The following GINS1 variants were observed in gnomAD, a reference collection of about 807,000 sequenced individuals.
GINS1 encodes GINS complex subunit 1, also known as DNA replication complex GINS protein PSF1.
GINS1 carries 26 observed loss-of-function variants against 34.9 expected under a neutral mutation model. That is an observed-to-expected ratio of 0.74 (90% confidence interval 0.55 to 1.03). The LOEUF (loss-of-function observed/expected upper bound fraction) is 1.03, where lower values mean the gene tolerates loss of function less well. Ranked by LOEUF, GINS1 falls within the 50% of genes least tolerant of loss-of-function variation. The pLI, the probability that GINS1 is intolerant of heterozygous loss-of-function variation, is 0.00. For missense variants in GINS1, 235 were observed against 237.9 expected, an observed-to-expected ratio of 0.99 and a Z score of 0.08; for synonymous variants, 97 against 84.4, an observed-to-expected ratio of 1.15 and a Z score of -0.82.
intron 5 of GINS1, among the ~76,000 whole-genome samples, chr20:25,436,892 C>A (rs938331427): frequency 6.6e-6 from 1 of 152,256 alleles, no homozygotes; most frequent in Non-Finnish European, 1.5e-5. Flanking sequence ...TTGCTGAAAA[C>A]CAGACATTTC....
At chr20:25,408,421 G>C (rs1056733022) in intron 1 of GINS1, among the ~76,000 whole-genome samples, 1 of 152,180 alleles carries the variant, frequency 6.6e-6, no homozygotes, top group African/African-American at 2.4e-5. Context: ...TACAGTAAGG[G>C]CTGAGTCAGT....
chr20:25,418,690 C>A (rs2090336264), intron 4 of GINS1, among the ~76,000 whole-genome samples: 2 of 152,166 alleles, frequency 1.3e-5, no homozygotes, highest in Non-Finnish European at 2.9e-5. Context: ...ATCATATTAC[C>A]TATCTATTAC....
chr20:25,419,930 G>A (rs1373336371), intron 4 of GINS1: 1 of 153,022 alleles, frequency 6.5e-6, no homozygotes, highest in Non-Finnish European at 1.5e-5. Flanking sequence ...AAAGTGCTGG[G>A]ATTCCAGGTG....
intron 5 of GINS1, among the ~76,000 whole-genome samples, chr20:25,436,839 C>T (rs2090457085): frequency 6.6e-6 from 1 of 152,018 alleles, no homozygotes; most frequent in Admixed American, 6.6e-5. Context: ...TTGAATGGAC[C>T]ATACTTTTAT....
In GINS1 at chr20:25,441,688, A is replaced by G. The variant is rs769363143; in HGVS notation, c.448-14A>G. The stretch of plus-strand genomic sequence containing the variant: ...AACTAATTTAGATAAAACATCTCTC[A>G]TTTTTTCTTTCAGGTCCGGTGTCTA... On this transcript the variant is annotated splice_polypyrimidine_tract_variant and intron_variant, in intron 5 of 6. Coordinates refer to ENST00000262460, the MANE Select transcript of GINS1 (RefSeq NM_021067.5). The G allele has an allele frequency of 1.4e-6, 2 of 1,398,452 alleles. No individual in the cohort carries two copies. Among genetic ancestry groups the G allele is most frequent in the Non-Finnish European group, 2.0e-6 (2 of 1,000,802 alleles). The allele number at this position is 1,398,452 out of a possible 1,614,324, so 86.6% of individuals were successfully genotyped here. A position where few individuals can be genotyped will look rare whatever the true frequency, so the allele number is the denominator to read the frequency against.
rs1284567664 is a variant in GINS1 at position 25,431,833 on chromosome 20, A to G, written c.447+6506A>G. Among the ~76,000 whole-genome samples the G allele has an allele frequency of 2.0e-5, 3 of 151,960 alleles. No homozygotes were observed. In the East Asian group the frequency reaches 5.8e-4, roughly 29 times the overall value. ...GTGATCCACCCACCTTGGCCTCACA[A>G]AGTACTGGGATTACAGGTGTGAGCC... On this transcript the variant is annotated intron_variant, in intron 5 of 6. Transcript: ENST00000262460.
chr20:25,433,503 T>C (rs2090438275), intron 5 of GINS1, among the ~76,000 whole-genome samples: 1 of 152,174 alleles, frequency 6.6e-6, no homozygotes, highest in African/African-American at 2.4e-5. Flanking sequence ...ATGCCATAGA[T>C]ATAGTTGTTA....
intron 4 of GINS1, chr20:25,420,886 A>G (rs956368393): frequency 2.1e-6 from 2 of 975,534 alleles, no homozygotes; most frequent in African/African-American, 1.8e-5. Flanking sequence ...GAAGAGATTA[A>G]TACAGATAAA....
intron 1 of GINS1, among the ~76,000 whole-genome samples, chr20:25,412,049 A>C (rs1447357769): frequency 6.6e-6 from 1 of 152,096 alleles, no homozygotes; most frequent in East Asian, 1.9e-4. Flanking sequence ...CAGAGGTTGC[A>C]GTGAGCTGAG....
At chr20:25,416,015 A>G (rs1356289231) in intron 2 of GINS1, among the ~76,000 whole-genome samples, 1 of 152,184 alleles carries the variant, frequency 6.6e-6, no homozygotes, top group East Asian at 1.9e-4. Flanking sequence ...AGAAACTGAC[A>G]CTTAAAGAAG....
intron 5 of GINS1, among the ~76,000 whole-genome samples, chr20:25,435,181 T>C (rs551313148): frequency 1.1e-4 from 17 of 152,232 alleles, no homozygotes; most frequent in Non-Finnish European, 2.1e-4. Context: ...GTTGTTCTTT[T>C]AGTACTTTGA....
chr20:25,422,933 C>T (rs1405041200), intron 4 of GINS1, among the ~76,000 whole-genome samples: 6 of 151,254 alleles, frequency 4.0e-5, no homozygotes, highest in Admixed American at 2.6e-4. Flanking sequence ...TGCACCACCA[C>T]GCCTGGCTAA....
rs1568802527 is a variant in GINS1 at position 25,423,452 on chromosome 20, C to CTTTTCTTTTTTTTTTTT, written c.331-1755_331-1754insCTTTTTTTTTTTTTTTT. Among the ~76,000 whole-genome samples the CTTTTCTTTTTTTTTTTT allele has an allele frequency of 1.7e-4, 5 of 29,994 alleles. 1 individual carries two copies. The highest frequency in any genetic ancestry group is 4.7e-3 in the East Asian group (2 of 428). 19.7% of individuals were successfully genotyped at this position (29,994 alleles called of 152,430 possible). ...AAGGTTATTAAGATATTTTTCTTTT[C>CTTTTCTTTTTTTTTTTT]TTTTTTTTTTTTTTTTTTTTTTTTT... On this transcript the variant is annotated intron_variant, in intron 4 of 6. Transcript: ENST00000262460.
rs372058330 is a variant in GINS1 at position 25,418,221 on chromosome 20, A to C, written c.330+26A>C. 2.4e-6 allele frequency: 3 copies of C among 1,262,344 alleles called. No individual in the cohort carries two copies. The African/African-American group carries it at 4.3e-5, about 18-fold the overall frequency. 78.2% of individuals were successfully genotyped at this position (1,262,344 alleles called of 1,614,324 possible). On this transcript the variant is annotated intron_variant, in intron 4 of 6. Transcript: ENST00000262460. The stretch of plus-strand genomic sequence containing the variant: ...GTGAGTTAGCATTGTTCAAGTTTAT[A>C]AATTTTGAAAATGCTAAAGTTCTGG...
Position 25,407,805 on chromosome 20 carries a change from G to A in GINS1, c.-16G>A. ...GCTGGTGGTTGGCAAGGCCGCGGGA[G>A]TGGGAAGCGTCCGCCATGTTCTGCG... On this transcript the variant is annotated 5_prime_UTR_variant, in exon 1 of 7. It adds an upstream start codon to the 5' untranslated region. Coordinates refer to ENST00000262460, the MANE Select transcript of GINS1 (RefSeq NM_021067.5). 6.2e-7 allele frequency: 1 copy of A among 1,611,666 alleles called. No homozygotes were observed. Among genetic ancestry groups the A allele is most frequent in the Non-Finnish European group, 8.5e-7 (1 of 1,178,008 alleles).
intron 5 of GINS1, among the ~76,000 whole-genome samples, chr20:25,432,427 C>A (rs1319124740): frequency 2.0e-5 from 3 of 151,984 alleles, no homozygotes; most frequent in Non-Finnish European, 4.4e-5. Context: ...CTTAGCCTCC[C>A]AAGTGGCTGG....
rs1174316500 is a variant in GINS1, at chr20:25,411,097, G to A, written c.76-2693G>A. The A allele has an allele frequency of 2.6e-5, 4 of 152,292 alleles. 1 individual carries two copies. The highest frequency in any genetic ancestry group is 9.6e-5 in the African/African-American group (4 of 41,542). The allele number at this position is 152,292 out of a possible 1,614,324, so 9.4% of individuals were successfully genotyped here. ...GTTCGAGACTAGCCTGGGCAACATA[G>A]TGAGACCCCATTTTTACAAAAAATA... On this transcript the variant is annotated intron_variant, in intron 1 of 6. Coordinates refer to ENST00000262460, the MANE Select transcript of GINS1 (RefSeq NM_021067.5).
Position 25,445,939 on chromosome 20 carries a change from G to A in GINS1, c.539G>A (p.Trp180Ter). ...TCCCCTCAGCACTTTTTACCTCGAT[G>A]GAAATGTGAGCAGCTGATCAGACAA... ...KKNSQHFLPR[W>*]KCEQLIRQGV... The change falls in exon 7 of 7, where the codon TGG becomes TAG. Residue 180 changes from tryptophan to a stop codon, truncating the protein, a stop_gained. Coordinates refer to ENST00000262460, the MANE Select transcript of GINS1 (RefSeq NM_021067.5). LOFTEE classifies it high-confidence loss of function. 1 of 1,608,756 alleles carries A rather than the reference G, an allele frequency of 6.2e-7. No homozygotes were observed. Among genetic ancestry groups the A allele is most frequent in the Non-Finnish European group, 8.5e-7 (1 of 1,175,548 alleles).
chr20:25,433,410 T>A (rs1008873733), intron 5 of GINS1, among the ~76,000 whole-genome samples: 2 of 152,340 alleles, frequency 1.3e-5, no homozygotes, highest in Non-Finnish European at 2.9e-5. Flanking sequence ...TAAAGTAGTA[T>A]GGTATTTGAA....
Sources: allele counts gnomAD v4.1 joint callset (sites outside exome capture counted in the v4.1 genomes callset), GRCh38; gene constraint gnomAD v4.1.1; transcripts MANE v1.5; gene names NCBI Gene and HGNC (gene_info 2026-07-23, HGNC 2026-07-21).